Variants in PXDNL observed in about 807,000 individuals in gnomAD.
The protein encoded by PXDNL is peroxidasin like.
PXDNL carries 145 observed loss-of-function variants against 150.8 expected under a neutral mutation model. The ratio of observed to expected loss-of-function variants is 0.96; its 90% confidence interval spans 0.84 to 1.10. The LOEUF is 1.10. PXDNL is among the 50% of genes least tolerant of loss of function. The pLI, the probability that PXDNL is intolerant of heterozygous loss-of-function variation, is 0.00. For synonymous variants in PXDNL, 757 were observed against 725.7 expected (o/e 1.04, Z -0.69); for missense variants, 2,087 against 1,873.9 (o/e 1.11, Z -2.10).
intron 5 of PXDNL, among the ~76,000 whole-genome samples, chr8:51,495,326 C>T (rs1329061224): frequency 6.6e-6 from 1 of 152,078 alleles, no homozygotes; most frequent in Non-Finnish European, 1.5e-5. Context: ...CAAGAGAAAG[C>T]AAGAAAGATC....
chr8:51,531,846 T>C (rs1488839396), intron 4 of PXDNL, among the ~76,000 whole-genome samples: 3 of 152,168 alleles, frequency 2.0e-5, no homozygotes, highest in African/African-American at 2.4e-5. Flanking sequence ...CAAGTTCAAG[T>C]ATAGAAACAG....
intron 8 of PXDNL, among the ~76,000 whole-genome samples, chr8:51,467,600 G>A (rs1810230909): frequency 6.6e-6 from 1 of 152,028 alleles, no homozygotes; most frequent in Non-Finnish European, 1.5e-5. Context: ...ACCTGCACTT[G>A]TACCTCCAGA....
intron 1 of PXDNL, among the ~76,000 whole-genome samples, chr8:51,683,607 T>C (rs947089489): frequency 3.3e-5 from 5 of 152,130 alleles, no homozygotes; most frequent in African/African-American, 7.2e-5. Flanking sequence ...TGTGGTATTC[T>C]ACACTTAAAA....
At chr8:51,634,534 A>G (rs1194439004) in intron 2 of PXDNL, among the ~76,000 whole-genome samples, 1 of 152,108 alleles carries the variant, frequency 6.6e-6, no homozygotes, top group African/African-American at 2.4e-5. Context: ...CCGTAGTTTG[A>G]TAGGAACAGT....
chr8:51,752,022 AGAC>A (rs1316928523), intron 1 of PXDNL, among the ~76,000 whole-genome samples: 1 of 152,192 alleles, frequency 6.6e-6, no homozygotes, highest in Admixed American at 6.5e-5. Context: ...AATTATCGCT[AGAC>A]CAACTCAAAA....
intron 1 of PXDNL, among the ~76,000 whole-genome samples, chr8:51,693,239 T>A (rs1334528161): frequency 6.6e-6 from 1 of 152,152 alleles, no homozygotes. Context: ...GAGTAAACAG[T>A]CCAATTTGTT....
At chr8:51,773,743 G>A (rs906572462) in intron 1 of PXDNL, among the ~76,000 whole-genome samples, 2 of 152,196 alleles carry the variant, frequency 1.3e-5, no homozygotes, top group Non-Finnish European at 2.9e-5. Context: ...AAGAAACAAT[G>A]TTTTCAAACT....
chr8:51,721,554 A>G (rs1281116486), intron 1 of PXDNL: 1 of 234,604 alleles, frequency 4.3e-6, no homozygotes. Flanking sequence ...TAATGGGTGC[A>G]GCACACCAAC....
intron 2 of PXDNL, among the ~76,000 whole-genome samples, chr8:51,612,004 C>A (rs1814016696): frequency 6.6e-6 from 1 of 152,212 alleles, no homozygotes; most frequent in South Asian, 2.1e-4. Flanking sequence ...CTGGGTCACT[C>A]TGCTATGCTT....
intron 1 of PXDNL, among the ~76,000 whole-genome samples, chr8:51,684,092 G>C (rs550497869): frequency 6.6e-6 from 1 of 152,142 alleles, no homozygotes; most frequent in African/African-American, 2.4e-5. Context: ...CCCACCTAGA[G>C]GGCAGTAAAT....
intron 1 of PXDNL, among the ~76,000 whole-genome samples, chr8:51,661,440 G>A (rs1437749953): frequency 5.9e-5 from 9 of 152,108 alleles, no homozygotes; most frequent in Admixed American, 5.9e-4. Context: ...TAAATCAGTG[G>A]GCTTTGAGTA....
chr8:51,584,625 A>G (rs75782599), intron 3 of PXDNL, among the ~76,000 whole-genome samples: 3,767 of 152,290 alleles, frequency 0.025, 146 homozygotes, highest in African/African-American at 0.086. Context: ...CCAACATAAT[A>G]CAGTTGCCAA....
chr8:51,453,244 C>T (rs1047619831), intron 10 of PXDNL, among the ~76,000 whole-genome samples: 5 of 152,066 alleles, frequency 3.3e-5, no homozygotes, highest in African/African-American at 1.2e-4. Flanking sequence ...TATTCTGAAG[C>T]ACAAATATCT....
At chr8:51,584,701 A>G (rs1813286117) in intron 3 of PXDNL, among the ~76,000 whole-genome samples, 1 of 152,190 alleles carries the variant, frequency 6.6e-6, no homozygotes, top group Admixed American at 6.6e-5. Context: ...TTTAGAACTC[A>G]GAGTTTGAGG....
At chr8:51,675,655 C>T (rs1292450321) in intron 1 of PXDNL, among the ~76,000 whole-genome samples, 1 of 151,666 alleles carries the variant, frequency 6.6e-6, no homozygotes, top group African/African-American at 2.4e-5. Context: ...TAGCTGGGTG[C>T]AGTGACATGT....
chr8:51,596,567 G>GT (rs1813571146), intron 2 of PXDNL, among the ~76,000 whole-genome samples: 1 of 152,036 alleles, frequency 6.6e-6, no homozygotes, highest in Non-Finnish European at 1.5e-5. Context: ...AGCTGTTGCT[G>GT]TTTTTTACTT....
intron 4 of PXDNL, among the ~76,000 whole-genome samples, chr8:51,512,510 C>T (rs1446824160): frequency 6.6e-6 from 1 of 152,130 alleles, no homozygotes. Context: ...AGGGAAACAG[C>T]AAATGAATGA....
intron 1 of PXDNL, among the ~76,000 whole-genome samples, chr8:51,722,828 AT>A (rs200545659): frequency 1.3e-5 from 2 of 151,030 alleles, no homozygotes; most frequent in African/African-American, 2.4e-5. Flanking sequence ...AAAAGGCAGT[AT>A]TTTTTTTTCT....
chr8:51,565,138 C>A (rs192001829), intron 3 of PXDNL, among the ~76,000 whole-genome samples: 1 of 151,722 alleles, frequency 6.6e-6, no homozygotes, highest in Non-Finnish European at 1.5e-5. Context: ...TTTTTAAGTG[C>A]GGACATGATG....
Sources: gnomAD v4.1 joint callset for allele counts (sites outside exome capture counted in the v4.1 genomes callset) on GRCh38, gnomAD v4.1.1 for gene constraint, MANE v1.5 for transcripts, NCBI Gene and HGNC (gene_info 2026-07-23, HGNC 2026-07-21) for gene names.